ITPR2: variants seen among roughly 807,000 people sequenced by gnomAD.
The protein encoded by ITPR2 is inositol 1,4,5-trisphosphate receptor type 2, also known as inositol 1,4,5-trisphosphate-gated calcium channel ITPR2.
ITPR2 carries 207 observed loss-of-function variants against 317.1 expected under a neutral mutation model. The observed-to-expected ratio is 0.65, with a 90% CI of 0.58 to 0.73. The LOEUF (loss-of-function observed/expected upper bound fraction) is 0.73, where lower values mean the gene tolerates loss of function less well. Ranked by LOEUF, ITPR2 falls within the 30% of genes least tolerant of loss-of-function variation. The probability of loss-of-function intolerance (pLI) is 0.00; values close to 1 mark genes in which losing one functional copy is unlikely to be tolerated. For missense variants in ITPR2, 2,613 were observed against 3,284.0 expected, an observed-to-expected ratio of 0.80 and a Z score of 4.99; for synonymous variants, 1,156 against 1,149.1, an observed-to-expected ratio of 1.01 and a Z score of -0.12.
intron 13 of ITPR2, among the ~76,000 whole-genome samples, chr12:26,679,690 A>AT (rs1276947549): frequency 6.6e-6 from 1 of 151,644 alleles, no homozygotes; most frequent in Non-Finnish European, 1.5e-5. Flanking sequence ...TTTTATTTTT[A>AT]TTTTTTTGTA....
At chr12:26,812,936 T>A (rs748131579) in intron 1 of ITPR2, among the ~76,000 whole-genome samples, 20 of 152,260 alleles carry the variant, frequency 1.3e-4, no homozygotes, top group Admixed American at 2.6e-4. Context: ...TAGATAGTCA[T>A]GTCATAACCA....
intron 22 of ITPR2, 68 bp from the exon 23 acceptor site, chr12:26,628,230 A>G: frequency 8.2e-7 from 1 of 1,222,164 alleles, no homozygotes; most frequent in East Asian, 2.5e-5. Context: ...GCAATTCACA[A>G]CACACCAATA....
intron 50 of ITPR2, 144 bp from the exon 51 acceptor site, chr12:26,415,642 A>C: frequency 2.1e-6 from 1 of 482,460 alleles, no homozygotes; most frequent in Non-Finnish European, 3.5e-6. Context: ...AATGAACCAA[A>C]GTATTTATTT....
chr12:26,556,791 A>T (rs36120287), intron 35 of ITPR2, among the ~76,000 whole-genome samples: 1 of 94,704 alleles, frequency 1.1e-5, no homozygotes, highest in African/African-American at 3.4e-5. Context: ...AAAAAAAAAA[A>T]ATTCCAGCCA....
intron 30 of ITPR2, 113 bp downstream of exon 30, chr12:26,599,027 GATTAA>G (rs1279895815): frequency 6.9e-6 from 6 of 872,514 alleles, no homozygotes; most frequent in Non-Finnish European, 1.1e-5. Context: ...GAGTAGTCAT[GATTAA>G]ATTAAATAAT....
chr12:26,799,022 T>G (rs1467234605), intron 1 of ITPR2, among the ~76,000 whole-genome samples: 1 of 152,262 alleles, frequency 6.6e-6, no homozygotes, highest in African/African-American at 2.4e-5. Flanking sequence ...ATCTCCTATT[T>G]TTAGACATGT....
intron 45 of ITPR2, among the ~76,000 whole-genome samples, chr12:26,447,003 T>A (rs542103351): frequency 5.3e-5 from 8 of 152,082 alleles, no homozygotes; most frequent in Admixed American, 2.6e-4. Context: ...CCTGCACATA[T>A]CTATATTACG....
intron 35 of ITPR2, among the ~76,000 whole-genome samples, chr12:26,560,230 C>A (rs898053734): frequency 6.6e-6 from 1 of 152,110 alleles, no homozygotes; most frequent in South Asian, 2.1e-4. Context: ...TCCTTTCTGA[C>A]CCACTTTTTT....
intron 39 of ITPR2, among the ~76,000 whole-genome samples, chr12:26,490,422 C>G (rs12423501): frequency 6.6e-6 from 1 of 152,160 alleles, no homozygotes; most frequent in South Asian, 2.1e-4. Context: ...TTGGTCCAGA[C>G]ACAAGGGGTA....
chr12:26,781,090 T>C (rs1950067056), intron 2 of ITPR2, among the ~76,000 whole-genome samples: 1 of 152,220 alleles, frequency 6.6e-6, no homozygotes, highest in African/African-American at 2.4e-5. Context: ...TACCATGCCT[T>C]GTGATTAAGG....
chr12:26,631,062 C>T (rs1031634850), intron 22 of ITPR2, among the ~76,000 whole-genome samples: 4 of 152,156 alleles, frequency 2.6e-5, no homozygotes, highest in Non-Finnish European at 4.4e-5. Context: ...CTTCTGGTAG[C>T]TCAGTCTATA....
intron 1 of ITPR2, among the ~76,000 whole-genome samples, chr12:26,802,484 T>C (rs542235295): frequency 2.0e-5 from 3 of 151,706 alleles, no homozygotes; most frequent in African/African-American, 7.2e-5. Flanking sequence ...TCTGTCTCTT[T>C]AAATTAATAT....
chr12:26,717,721 GGAA>G (rs936523656), intron 5 of ITPR2, among the ~76,000 whole-genome samples: 60 of 152,290 alleles, frequency 3.9e-4, no homozygotes, highest in African/African-American at 1.4e-3. Context: ...GCATACCTGA[GGAA>G]GAAGAAGAGT....
At chr12:26,690,731 A>G (rs1948223543) in intron 10 of ITPR2, among the ~76,000 whole-genome samples, 2 of 152,200 alleles carry the variant, frequency 1.3e-5, no homozygotes, top group Non-Finnish European at 2.9e-5. Flanking sequence ...AAGAGTAGTC[A>G]GGGACCTCTC....
intron 2 of ITPR2, among the ~76,000 whole-genome samples, chr12:26,782,650 G>A (rs1565760852): frequency 7.6e-6 from 1 of 131,716 alleles, no homozygotes; most frequent in Non-Finnish European, 1.9e-5. Context: ...ACTTTAAGAT[G>A]GTTGCATAAC....
intron 23 of ITPR2, among the ~76,000 whole-genome samples, chr12:26,625,758 A>C (rs1946609158): frequency 6.6e-6 from 1 of 152,202 alleles, no homozygotes; most frequent in Admixed American, 6.5e-5. Flanking sequence ...AAGAATCAAA[A>C]TATACATACA....
chr12:26,454,038 G>A (rs535709148), intron 45 of ITPR2, among the ~76,000 whole-genome samples: 3 of 152,150 alleles, frequency 2.0e-5, no homozygotes, highest in African/African-American at 7.2e-5. Flanking sequence ...ATGGATGGAT[G>A]GATGGACGGA....
At chr12:26,503,551 C>G (rs748086866) in intron 37 of ITPR2, among the ~76,000 whole-genome samples, 2 of 152,156 alleles carry the variant, frequency 1.3e-5, no homozygotes, top group African/African-American at 2.4e-5. Flanking sequence ...AATGACAATG[C>G]ACGTTAGTGG....
At chr12:26,475,182 G>A in intron 45 of ITPR2, 114 bp downstream of exon 45, 1 of 1,194,038 alleles carries the variant, frequency 8.4e-7, no homozygotes, top group Non-Finnish European at 1.2e-6. Context: ...CCAAACCTAG[G>A]ATGGTAAGTG....
Sources: gnomAD v4.1 joint callset for allele counts (sites outside exome capture counted in the v4.1 genomes callset) on GRCh38, gnomAD v4.1.1 for gene constraint, MANE v1.5 for transcripts, NCBI Gene and HGNC (gene_info 2026-07-23, HGNC 2026-07-21) for gene names.